The following ULK4 variants were observed in gnomAD, a reference collection of about 807,000 sequenced individuals.
ULK4 encodes the protein unc-51 like kinase 4.
Under a neutral mutation model 160.6 loss-of-function variants are expected in ULK4, and 133 were observed. That is an observed-to-expected ratio of 0.83 (90% confidence interval 0.72 to 0.96). The LOEUF is 0.96. Ranked by LOEUF, ULK4 falls within the 40% of genes least tolerant of loss-of-function variation. The pLI, the probability that ULK4 is intolerant of heterozygous loss-of-function variation, is 0.00. For synonymous variants in ULK4, 534 were observed against 539.8 expected, an observed-to-expected ratio of 0.99 and a Z score of 0.15; for missense variants, 1,580 against 1,499.5, an observed-to-expected ratio of 1.05 and a Z score of -0.89.
chr3:41,541,542 T>C (rs1384891691), intron 32 of ULK4, among the ~76,000 whole-genome samples: 5 of 152,184 alleles, frequency 3.3e-5, no homozygotes, highest in Non-Finnish European at 5.9e-5. Flanking sequence ...AAATTTAAAG[T>C]AGTTTGTTCC....
chr3:41,953,422 C>T (rs755437728), intron 2 of ULK4, among the ~76,000 whole-genome samples: 1 of 151,322 alleles, frequency 6.6e-6, no homozygotes, highest in Admixed American at 6.6e-5. Context: ...CCTGCCTCAG[C>T]CTCCTGAGTA....
At chr3:41,619,520 T>G (rs761268828) in intron 30 of ULK4, among the ~76,000 whole-genome samples, 5 of 152,266 alleles carry the variant, frequency 3.3e-5, no homozygotes, top group South Asian at 4.1e-4. Flanking sequence ...GAACGACTAC[T>G]GGGTAAATAA....
intron 17 of ULK4, among the ~76,000 whole-genome samples, chr3:41,864,271 C>T (rs573439422): frequency 5.9e-5 from 9 of 152,028 alleles, no homozygotes; most frequent in Admixed American, 2.0e-4. Context: ...TCTCCCTCCC[C>T]CAGTGCCCAG....
At chr3:41,764,535 AT>A (rs1223459763) in intron 21 of ULK4, among the ~76,000 whole-genome samples, 2 of 152,236 alleles carry the variant, frequency 1.3e-5, no homozygotes, top group African/African-American at 2.4e-5. Context: ...GTTCAAGACT[AT>A]CCTGGGCAAC....
At chr3:41,646,220 T>A (rs189470804) in intron 30 of ULK4, among the ~76,000 whole-genome samples, 88 of 152,332 alleles carry the variant, frequency 5.8e-4, no homozygotes, top group African/African-American at 2.0e-3. Context: ...TATGTGTGAA[T>A]TTGATCCTGT....
intron 35 of ULK4, among the ~76,000 whole-genome samples, chr3:41,368,911 T>G (rs1470387767): frequency 6.6e-6 from 1 of 152,186 alleles, no homozygotes. Context: ...ACAAAAATAT[T>G]TTTTCAAAAA....
intron 35 of ULK4, among the ~76,000 whole-genome samples, chr3:41,391,695 C>T (rs767934118): frequency 3.3e-5 from 5 of 151,802 alleles, no homozygotes; most frequent in Admixed American, 2.6e-4. Flanking sequence ...CAACAGAACA[C>T]GTCTGTTCTC....
At chr3:41,550,917 A>C (rs2087037402) in intron 32 of ULK4, among the ~76,000 whole-genome samples, 1 of 152,036 alleles carries the variant, frequency 6.6e-6, no homozygotes, top group South Asian at 2.1e-4. Context: ...TTAAAAATCA[A>C]AATCATATCA....
At chr3:41,855,633 C>T (rs182129576) in intron 17 of ULK4, among the ~76,000 whole-genome samples, 34 of 152,274 alleles carry the variant, frequency 2.2e-4, no homozygotes, top group Non-Finnish European at 4.4e-4. Flanking sequence ...GTATTATTTA[C>T]TTGTTACTAT....
At chr3:41,687,131 T>C (rs978965293) in intron 27 of ULK4, among the ~76,000 whole-genome samples, 5 of 152,060 alleles carry the variant, frequency 3.3e-5, no homozygotes, top group African/African-American at 1.2e-4. Flanking sequence ...TCCCAGCACT[T>C]TGGGAGGCCA....
chr3:41,530,905 A>C (rs2086285959), intron 32 of ULK4, among the ~76,000 whole-genome samples: 1 of 151,840 alleles, frequency 6.6e-6, no homozygotes, highest in Non-Finnish European at 1.5e-5. Flanking sequence ...CTGGGACTAC[A>C]GGTGCACGCC....
chr3:41,625,040 A>G (rs1370411923), intron 30 of ULK4, among the ~76,000 whole-genome samples: 1 of 152,204 alleles, frequency 6.6e-6, no homozygotes, highest in Non-Finnish European at 1.5e-5. Context: ...ACGGATGTTA[A>G]AGCAAGTAAG....
chr3:41,564,562 G>A (rs569141472), intron 32 of ULK4, among the ~76,000 whole-genome samples: 17 of 144,320 alleles, frequency 1.2e-4, no homozygotes, highest in Non-Finnish European at 1.6e-4. Flanking sequence ...CACTTCAAGC[G>A]ATTCTCCTGC....
intron 31 of ULK4, 57 bp from the exon 32 acceptor site, chr3:41,566,187 A>G: frequency 6.9e-7 from 1 of 1,447,778 alleles, no homozygotes; most frequent in South Asian, 1.2e-5. Context: ...ACATCATCGT[A>G]AAGACAAATA....
At chr3:41,432,357 T>C (rs948528013) in intron 34 of ULK4, among the ~76,000 whole-genome samples, 55 of 152,324 alleles carry the variant, frequency 3.6e-4, no homozygotes, top group African/African-American at 1.3e-3. Flanking sequence ...CTTTAGTCTG[T>C]TTCTCTCCGA....
intron 22 of ULK4, among the ~76,000 whole-genome samples, chr3:41,749,193 G>T (rs1217508130): frequency 6.6e-6 from 1 of 152,124 alleles, no homozygotes; most frequent in African/African-American, 2.4e-5. Context: ...TATAAAACAG[G>T]CTTTGTGGGC....
chr3:41,647,221 T>C (rs1417951827), intron 30 of ULK4, among the ~76,000 whole-genome samples: 1 of 152,168 alleles, frequency 6.6e-6, no homozygotes, highest in African/African-American at 2.4e-5. Flanking sequence ...TCCAGCTTTG[T>C]TCCGTTGCTG....
At chr3:41,764,762 T>C (rs1169417632) in intron 21 of ULK4, among the ~76,000 whole-genome samples, 1 of 152,254 alleles carries the variant, frequency 6.6e-6, no homozygotes, top group Non-Finnish European at 1.5e-5. Context: ...TATGATTCAG[T>C]TTCTTCAACT....
intron 34 of ULK4, among the ~76,000 whole-genome samples, chr3:41,428,976 C>G (rs774364171): frequency 1.3e-5 from 2 of 151,770 alleles, no homozygotes; most frequent in Non-Finnish European, 1.5e-5. Flanking sequence ...AGACAACCTA[C>G]AGAATGGGAG....
Sources: gnomAD v4.1 joint callset for allele counts (sites outside exome capture counted in the v4.1 genomes callset) on GRCh38, gnomAD v4.1.1 for gene constraint, MANE v1.5 for transcripts, NCBI Gene and HGNC (gene_info 2026-07-23, HGNC 2026-07-21) for gene names.